The following MXRA5 variants were observed in gnomAD, a reference collection of about 807,000 sequenced individuals.
MXRA5 encodes matrix remodeling associated 5.
In MXRA5, 41 loss-of-function variants were observed where a neutral mutation model predicts 112.5. The observed-to-expected ratio is 0.36, with a 90% CI of 0.28 to 0.47. The LOEUF (loss-of-function observed/expected upper bound fraction) is 0.47. Among genes scored for constraint, MXRA5 ranks in the 20% least tolerant of loss-of-function variants. The pLI is 0.99. For missense variants in MXRA5, 2,150 were observed against 2,251.0 expected (o/e 0.96, Z 0.91); for synonymous variants, 862 against 900.8 (o/e 0.96, Z 0.77).
intron 5 of MXRA5, 33 bp downstream of exon 5, chrX:3,319,975 A>G: frequency 1.2e-6 from 1 of 859,716 alleles, no homozygotes; most frequent in Non-Finnish European, 1.5e-6. Flanking sequence ...AAATTGACCA[A>G]AAAAAAAAAA....
At chrX:3,346,074 G>A (rs1185692069) in intron 1 of MXRA5, among the ~76,000 whole-genome samples, 1 of 111,967 alleles carries the variant, frequency 8.9e-6, no homozygotes, top group East Asian at 2.8e-4. Flanking sequence ...CACAGCCTGA[G>A]CAACTTGGAA....
chrX:3,324,045 G>A lies in MXRA5; in HGVS notation c.1640C>T (p.Pro547Leu), dbSNP rs371510283. 5.7e-5 allele frequency: 68 copies of A among 1,201,907 alleles called. No homozygotes were observed. Among genetic ancestry groups the A allele is most frequent in the Non-Finnish European group, 7.0e-5 (62 of 891,201 alleles). The change falls in exon 5 of 7, where the codon CCA becomes CTA. Residue 547 changes from proline to leucine, a missense_variant. Pro to Leu is a moderately conservative substitution (Grantham distance 98). This residue lies in a region of MXRA5 where 4 missense variants were observed against 17.8 expected (regional missense o/e 0.23). Transcript: ENST00000217939. ...GCACTGGTACAAGCCTGAGTCAGAT[G>A]GCTCCATGGACTTGATCCTCAGCCA... is the stretch of plus-strand genomic sequence containing the variant. The part of the protein sequence containing the change: ...SGWLRIKSME[P>L]SDSGLYQCIA...
rs527784574 is a variant in MXRA5, at chrX:3,317,914, G to T, written c.5767C>A (p.Arg1923=). ...LVIRKVQVQD[R]GQYMCTASNL... is the part of the protein sequence containing the mutation. ...CTGGCGGTGCACATATACTGGCCTCGATCTTGTACTTGAACCTTCCGTATC... is the reference window on the plus strand; with the variant it reads ...CTGGCGGTGCACATATACTGGCCTCTATCTTGTACTTGAACCTTCCGTATC... Residue 1923 remains arginine (R), a synonymous_variant, in exon 6 of 7, where the codon CGA becomes AGA. Coordinates refer to ENST00000217939, the MANE Select transcript of MXRA5 (RefSeq NM_015419.4). 8.3e-7 allele frequency: 1 copy of T among 1,211,110 alleles called. No individual in the cohort carries two copies. Among genetic ancestry groups the T allele is most frequent in the Admixed American group, 2.2e-5 (1 of 45,990 alleles).
At chrX:3,340,326 T>C (rs1487245372) in intron 2 of MXRA5, among the ~76,000 whole-genome samples, 1 of 111,999 alleles carries the variant, frequency 8.9e-6, no homozygotes, top group Non-Finnish European at 1.9e-5. Flanking sequence ...TGTTAGACAT[T>C]GCTCTTGTTT....
chrX:3,319,522 G>T (rs1361148147), intron 5 of MXRA5, among the ~76,000 whole-genome samples: 3 of 112,817 alleles, frequency 2.7e-5, no homozygotes, highest in Non-Finnish European at 5.6e-5. Context: ...AGCCACCCCT[G>T]CCCAGAGAGG....
rs1421078215 is a variant in MXRA5, at chrX:3,321,000, G to A, written c.4685C>T (p.Ser1562Phe). 1 of 1,212,187 alleles carries A rather than the reference G, an allele frequency of 8.2e-7. No individual in the cohort carries two copies. Among genetic ancestry groups the A allele is most frequent in the Admixed American group, 2.2e-5 (1 of 46,085 alleles). ...MSGPNELSTP[S>F]SDQDAFNLST... ...CAAGTTAAATGCATCCTGGTCGGAA[G>A]AGGGTGTTGATAATTCATTTGGCCC... The change falls in exon 5 of 7, where the codon TCT (serine) becomes TTT (phenylalanine). Residue 1562 changes from serine (S) to phenylalanine (F), a missense_variant. Ser to Phe is a radical substitution (Grantham distance 155, BLOSUM62 -2). This residue lies in a region of MXRA5 where 1,485 missense variants were observed against 1,471.6 expected (regional missense o/e 1.01). Transcript: ENST00000217939.
intron 1 of MXRA5, among the ~76,000 whole-genome samples, chrX:3,344,845 G>A (rs1450886222): frequency 9.0e-6 from 1 of 111,371 alleles, no homozygotes; most frequent in Non-Finnish European, 1.9e-5. Context: ...CGGACTCGGT[G>A]GCTCACGTCT....
At chrX:3,316,269 G>A (rs1173340743) in intron 6 of MXRA5, among the ~76,000 whole-genome samples, 7 of 87,021 alleles carry the variant, frequency 8.0e-5, no homozygotes, top group African/African-American at 3.2e-4. Flanking sequence ...AGCCAAGATA[G>A]TGCCACTGCA....
intron 6 of MXRA5, among the ~76,000 whole-genome samples, chrX:3,315,391 T>TAGATAGATAGATA (rs1555943433): frequency 1.8e-5 from 1 of 56,708 alleles, no homozygotes. Context: ...GATAGATAGA[T>TAGATAGATAGATA]GATAGATAGA....
chrX:3,334,148 A>G (rs1334300471), intron 2 of MXRA5, among the ~76,000 whole-genome samples: 5 of 111,047 alleles, frequency 4.5e-5, no homozygotes, highest in African/African-American at 6.6e-5. Context: ...CACCTGGCTA[A>G]TTTTTGTATT....
intron 2 of MXRA5, among the ~76,000 whole-genome samples, chrX:3,342,493 T>A (rs1451280279): frequency 8.9e-6 from 1 of 112,436 alleles, no homozygotes; most frequent in Non-Finnish European, 1.9e-5. Flanking sequence ...TATGTGTTAC[T>A]ATTCCCTCCT....
In MXRA5 at chrX:3,317,440, A is replaced by G; in HGVS notation, c.6241T>C (p.Trp2081Arg). 8.3e-7 allele frequency: 1 copy of G among 1,198,593 alleles called. No homozygotes were observed. The change falls in exon 6 of 7, where the codon TGG becomes CGG. Residue 2081 changes from tryptophan (W) to arginine (R), a missense_variant. Physicochemically the swap from Trp to Arg is moderately radical, Grantham distance 101. This residue lies in a region of MXRA5 where 1,485 missense variants were observed against 1,471.6 expected (regional missense o/e 1.01). Coordinates refer to ENST00000217939, the MANE Select transcript of MXRA5 (RefSeq NM_015419.4). ...ATCTGGGTACCGTCCCCGAGCACCC[A>G]GCGCACGCTGGGCAGGGGCGCAGCC... ...AKAAPLPSVR[W>R]VLGDGTQIRP...
At position 3,321,721 on chromosome X, in the gene MXRA5, C is replaced by A; in HGVS notation, c.3964G>T (p.Asp1322Tyr). 8.3e-7 allele frequency: 1 copy of A among 1,210,629 alleles called. No homozygotes were observed. Among genetic ancestry groups the A allele is most frequent in the Non-Finnish European group, 1.1e-6 (1 of 894,679 alleles). The stretch of plus-strand genomic sequence containing the variant: ...ACATCATCCTTAATTTCTTTTCCAT[C>A]TGATGTGGGTTTATATGTGACTGGA... ...TLPVTYKPTSDGKEIKDDVAT... is the reference protein window; with the variant it reads ...TLPVTYKPTSYGKEIKDDVAT... The change falls in exon 5 of 7, where the codon GAT (aspartate) becomes TAT (tyrosine). Residue 1322 changes from aspartate (D) to tyrosine (Y), a missense_variant. By Grantham distance (160) the Asp-to-Tyr change is radical. Transcript: ENST00000217939.
rs1922045916 is a variant in MXRA5 at position 3,343,839 on chromosome X, C to T, written c.-6G>A. ...CAGTGCGCGCGCTTGGGCATCTTGT[C>T]GGGGTGCCTGATTCTCGGATACCTG... On this transcript the variant is annotated 5_prime_UTR_variant, in exon 2 of 7. Transcript: ENST00000217939. 1.7e-6 allele frequency: 2 copies of T among 1,196,553 alleles called. No homozygotes were observed. Among genetic ancestry groups the T allele is most frequent in the Middle Eastern group, 4.7e-4 (2 of 4,221 alleles).
At chrX:3,338,822 A>G (rs1279292260) in intron 2 of MXRA5, among the ~76,000 whole-genome samples, 1 of 110,751 alleles carries the variant, frequency 9.0e-6, no homozygotes, top group East Asian at 2.8e-4. Flanking sequence ...CATGACAGAT[A>G]GATGATAGAT....
chrX:3,344,157 C>CGAGAGA (rs377198782), intron 1 of MXRA5, among the ~76,000 whole-genome samples: 20 of 96,296 alleles, frequency 2.1e-4, no homozygotes, highest in East Asian at 9.7e-4. Context: ...CAGAGAGAGA[C>CGAGAGA]GAGAGAGAGA....
intron 4 of MXRA5, among the ~76,000 whole-genome samples, chrX:3,326,764 C>T (rs1207893921): frequency 9.1e-6 from 1 of 110,268 alleles, no homozygotes; most frequent in Non-Finnish European, 1.9e-5. Context: ...TCTTTGCTGA[C>T]TGGGTCCTCC....
rs372504223 is a variant in MXRA5, at chrX:3,324,280, T to A, written c.1405A>T (p.Arg469Trp). The change falls in exon 5 of 7, where the codon AGG becomes TGG. Residue 469 changes from arginine (R) to tryptophan (W), a missense_variant. By Grantham distance (101) the Arg-to-Trp change is moderately radical. This residue lies in a region of MXRA5 where 386 missense variants were observed against 411.0 expected (regional missense o/e 0.94). Transcript: ENST00000217939. ...YSQTISTKDT[R>W]QARGRSWVMI... ...ACCCAGCTTCTGCCCCGAGCCTGCC[T>A]TGTATCTTTGGTGGATATTGTTTGA... 1 of 1,209,983 alleles carries A rather than the reference T, an allele frequency of 8.3e-7. No homozygotes were observed. The highest frequency in any genetic ancestry group is 3.0e-5 in the East Asian group (1 of 33,762).
In MXRA5 at chrX:3,324,588, T is replaced by G; in HGVS notation, c.1097A>C (p.Glu366Ala). 1 of 1,211,609 alleles carries G rather than the reference T, an allele frequency of 8.3e-7. No homozygotes were observed. Among genetic ancestry groups the G allele is most frequent in the Non-Finnish European group, 1.1e-6 (1 of 895,385 alleles). The change falls in exon 5 of 7, where the codon GAG (glutamate) becomes GCG (alanine). Residue 366 changes from glutamate to alanine, a missense_variant. Glu to Ala is a moderately radical substitution (Grantham distance 107). Around this residue, in one of 6 missense-constraint regions of MXRA5, gnomAD observed 386 missense variants for 411.0 expected, o/e 0.94. Transcript: ENST00000217939. ...DINATVALDF[E>A]CPMTRENYEK... ...ATAGTTTTCTCGGGTCATTGGACAC[T>G]CAAAGTCCAAGGCAACTGTTGCATT...
Sources: gnomAD v4.1 joint callset for allele counts (sites outside exome capture counted in the v4.1 genomes callset) on GRCh38, gnomAD v4.1.1 for gene constraint, gnomAD v4.1.1 regional missense constraint, MANE v1.5 for transcripts, NCBI Gene and HGNC (gene_info 2026-07-23, HGNC 2026-07-21) for gene names.